Variants in CCDC7 observed in about 807,000 individuals in gnomAD.
CCDC7 encodes coiled-coil domain-containing protein 7.
In CCDC7, 183 loss-of-function variants were observed where a neutral mutation model predicts 196.9. That is an observed-to-expected ratio of 0.93 (90% confidence interval 0.82 to 1.05). CCDC7 has a LOEUF of 1.05. Ranked by LOEUF, CCDC7 falls within the 50% of genes least tolerant of loss-of-function variation. The pLI, the probability that CCDC7 is intolerant of heterozygous loss-of-function variation, is 0.00. For missense variants in CCDC7, 1,540 were observed against 1,482.2 expected (o/e 1.04, Z -0.64); for synonymous variants, 525 against 484.6 (o/e 1.08, Z -1.10).
chr10:32,727,401 C>T (rs1325769972), intron 26 of CCDC7, among the ~76,000 whole-genome samples: 5 of 152,044 alleles, frequency 3.3e-5, no homozygotes, highest in Admixed American at 3.3e-4. Flanking sequence ...TTAAAGTGCC[C>T]ATGGCCAACA....
At chr10:32,474,107 A>T (rs2038491647) in intron 8 of CCDC7, 84 bp downstream of exon 9, 1 of 1,398,602 alleles carries the variant, frequency 7.2e-7, no homozygotes, top group African/African-American at 1.5e-5. Flanking sequence ...TTAGGTTAAC[A>T]GTGCAGACTC....
chr10:32,545,876 A>C (rs1034354989), intron 13 of CCDC7, among the ~76,000 whole-genome samples: 4 of 143,374 alleles, frequency 2.8e-5, no homozygotes, highest in African/African-American at 7.8e-5. Context: ...ACTGCACGCC[A>C]GCCTGGGCAA....
At chr10:32,859,275 CA>C (rs1214727779) in intron 41 of CCDC7, among the ~76,000 whole-genome samples, 2 of 152,086 alleles carry the variant, frequency 1.3e-5, no homozygotes, top group Non-Finnish European at 2.9e-5. Flanking sequence ...CACTCAAAAC[CA>C]CACAACTACA....
At chr10:32,577,086 A>G (rs3006740) in intron 16 of CCDC7, among the ~76,000 whole-genome samples, 150,520 of 152,312 alleles carry the variant, frequency 0.99, 74,399 homozygotes, top group Middle Eastern at 1. Context: ...CTGTTGGCCA[A>G]GTGTGGTGGC....
At chr10:32,671,012 G>A (rs1472854431) in intron 21 of CCDC7, among the ~76,000 whole-genome samples, 2 of 152,004 alleles carry the variant, frequency 1.3e-5, no homozygotes, top group Non-Finnish European at 2.9e-5. Flanking sequence ...GAGTAAAAAA[G>A]TAAAAAACAT....
At chr10:32,862,197 A>G (rs2094016475) in intron 41 of CCDC7, among the ~76,000 whole-genome samples, 1 of 152,216 alleles carries the variant, frequency 6.6e-6, no homozygotes, top group African/African-American at 2.4e-5. Context: ...CTGGATGAAG[A>G]AAATGTGGCA....
In CCDC7 at chr10:32,517,966, GT is replaced by G; in HGVS notation, c.896del (p.Leu299Ter). The G allele has an allele frequency of 6.3e-7, 1 of 1,587,818 alleles. No homozygotes were observed. The highest frequency in any genetic ancestry group is 8.6e-7 in the Non-Finnish European group (1 of 1,168,712). Reference sequence around the variant, plus strand: ...TCAGAGCTGTAAATGATCAAGTTTTGTTAGATGCTGTAAGTATAGTACTCTC... The same window carrying G: ...TCAGAGCTGTAAATGATCAAGTTTTGTAGATGCTGTAAGTATAGTACTCTC... On this transcript the variant is annotated frameshift_variant, in exon 10 of 42. Coordinates refer to ENST00000639629, the Ensembl canonical transcript of CCDC7. LOFTEE classifies it high-confidence loss of function.
At chr10:32,540,365 T>C (rs186404043) in intron 11 of CCDC7, among the ~76,000 whole-genome samples, 5 of 152,340 alleles carry the variant, frequency 3.3e-5, no homozygotes, top group East Asian at 1.9e-4. Flanking sequence ...CTGTTTTCCA[T>C]GTGCATGGTA....
intron 20 of CCDC7, among the ~76,000 whole-genome samples, chr10:32,638,200 T>C (rs1243310998): frequency 6.6e-6 from 1 of 152,196 alleles, no homozygotes; most frequent in East Asian, 1.9e-4. Context: ...ACTTCCTCTT[T>C]TTCTAATTCA....
At chr10:32,687,332 A>C (rs1175328370) in intron 22 of CCDC7, among the ~76,000 whole-genome samples, 1 of 152,232 alleles carries the variant, frequency 6.6e-6, no homozygotes, top group Non-Finnish European at 1.5e-5. Flanking sequence ...TGGTTTAGTA[A>C]GTTTACAGTC....
Position 32,848,721 on chromosome 10 carries a change from A to G in CCDC7, c.3895+3A>G. On this transcript the variant is annotated splice_donor_region_variant and intron_variant, in intron 39 of 41. Transcript: ENST00000639629. The stretch of plus-strand genomic sequence containing the variant: ...TTTATCACCCTTTGAAAATAAAGGT[A>G]AAGAATTATGTATGTAGATATGAAT... 6.5e-7 allele frequency: 1 copy of G among 1,533,222 alleles called. No homozygotes were observed. Among genetic ancestry groups the G allele is most frequent in the East Asian group, 2.3e-5 (1 of 44,316 alleles). The allele number at this position is 1,533,222 out of a possible 1,614,324, so 95.0% of individuals were successfully genotyped here.
At chr10:32,680,751 C>T (rs1338188402) in intron 21 of CCDC7, among the ~76,000 whole-genome samples, 7 of 152,178 alleles carry the variant, frequency 4.6e-5, no homozygotes, top group Non-Finnish European at 8.8e-5. Flanking sequence ...CACCACTATT[C>T]AAAATGCTTA....
At chr10:32,811,579 G>T (rs554353121) in intron 30 of CCDC7, among the ~76,000 whole-genome samples, 77 of 152,156 alleles carry the variant, frequency 5.1e-4, no homozygotes, top group African/African-American at 1.8e-3. Flanking sequence ...AGAATAGCTA[G>T]AGAGAGGTCT....
chr10:32,864,793 C>G (rs888723268), intron 41 of CCDC7, among the ~76,000 whole-genome samples: 1 of 151,820 alleles, frequency 6.6e-6, no homozygotes, highest in African/African-American at 2.4e-5. Flanking sequence ...TGTCAGACTA[C>G]TCATTCTTAT....
intron 41 of CCDC7, among the ~76,000 whole-genome samples, chr10:32,857,303 C>G (rs1164180607): frequency 6.6e-6 from 1 of 152,124 alleles, no homozygotes; most frequent in African/African-American, 2.4e-5. Context: ...TCAGCACTTT[C>G]CATCCAACAG....
intron 29 of CCDC7, among the ~76,000 whole-genome samples, chr10:32,782,212 T>A (rs955661707): frequency 1.5e-5 from 2 of 131,632 alleles, no homozygotes; most frequent in Non-Finnish European, 3.2e-5. Flanking sequence ...GATTAGAAGA[T>A]AACTTGTTTT....
At chr10:32,585,015 C>T (rs1412614999) in intron 18 of CCDC7, among the ~76,000 whole-genome samples, 2 of 151,850 alleles carry the variant, frequency 1.3e-5, no homozygotes, top group Non-Finnish European at 2.9e-5. Flanking sequence ...TTTTTTTCTT[C>T]CTTTCCAACA....
chr10:32,623,746 C>G lies in CCDC7; in HGVS notation c.1802-10508C>G, dbSNP rs1034079815. ...AGTACAAGAAACATGGTGCCGGCATCTGCTTCTGGCGAGGGCCTCAGGGAG... is the reference window on the plus strand; with the variant it reads ...AGTACAAGAAACATGGTGCCGGCATGTGCTTCTGGCGAGGGCCTCAGGGAG... On this transcript the variant is annotated intron_variant, in intron 18 of 41. Transcript: ENST00000639629. 3.0e-5 allele frequency: 14 copies of G among 470,174 alleles called. No homozygotes were observed. The East Asian group carries it at 9.7e-4, about 33-fold the overall frequency. 29.1% of individuals were successfully genotyped at this position (470,174 alleles called of 1,614,324 possible).
rs2067474111 is a variant in CCDC7, at chr10:32,644,873, CT to C, written c.2014+9718del. On this transcript the variant is annotated intron_variant, in intron 20 of 41. Coordinates refer to ENST00000639629, the Ensembl canonical transcript of CCDC7. ...GTAAATTGCCCAGTTACAGATCTGT[CT>C]TTATCAGCAACATGAAAGTGTACGA... Among the ~76,000 whole-genome samples the C allele has an allele frequency of 2.0e-5, 3 of 152,158 alleles. No individual in the cohort carries two copies. In the South Asian group the frequency reaches 6.2e-4, roughly 32 times the overall value.
Sources: allele counts gnomAD v4.1 joint callset (sites outside exome capture counted in the v4.1 genomes callset), GRCh38; gene constraint gnomAD v4.1.1; transcripts MANE v1.5; gene names NCBI Gene and HGNC (gene_info 2026-07-23, HGNC 2026-07-21).